Variants in SMYD3 observed in about 807,000 individuals in gnomAD.
SMYD3 encodes SET and MYND domain containing 3.
SMYD3 carries 36 observed loss-of-function variants against 57.7 expected under a neutral mutation model. That is an observed-to-expected ratio of 0.62 (90% confidence interval 0.48 to 0.82). The LOEUF (loss-of-function observed/expected upper bound fraction) is 0.82. SMYD3 is among the 40% of genes least tolerant of loss of function. The probability of loss-of-function intolerance (pLI) is 0.00; values close to 1 mark genes in which losing one functional copy is unlikely to be tolerated. For missense variants in SMYD3, 515 were observed against 538.8 expected (o/e 0.96, Z 0.44); for synonymous variants, 211 against 195.0 (o/e 1.08, Z -0.68).
intron 10 of SMYD3, among the ~76,000 whole-genome samples, chr1:245,834,393 G>A (rs756138099): frequency 6.6e-5 from 10 of 152,126 alleles, no homozygotes; most frequent in Non-Finnish European, 1.2e-4. Context: ...GTAAGCATGC[G>A]AACACTGAGT....
intron 5 of SMYD3, among the ~76,000 whole-genome samples, chr1:246,168,596 A>G (rs148473679): frequency 2.0e-5 from 3 of 152,332 alleles, no homozygotes; most frequent in African/African-American, 7.2e-5. Flanking sequence ...GAGAACGTTT[A>G]CAAGCTGCTG....
chr1:246,119,864 C>T (rs1572057971), intron 5 of SMYD3, among the ~76,000 whole-genome samples: 1 of 152,130 alleles, frequency 6.6e-6, no homozygotes, highest in East Asian at 1.9e-4. Context: ...GAAAATGTTT[C>T]TTTTCTTACC....
At chr1:246,461,213 C>G (rs929529836) in intron 1 of SMYD3, among the ~76,000 whole-genome samples, 4 of 152,062 alleles carry the variant, frequency 2.6e-5, no homozygotes, top group Admixed American at 1.3e-4. Context: ...TGTTTATTCT[C>G]TAGTTTAAAG....
chr1:246,120,058 G>A (rs1204870924), intron 5 of SMYD3, among the ~76,000 whole-genome samples: 8 of 152,208 alleles, frequency 5.3e-5, no homozygotes, highest in Non-Finnish European at 1.2e-4. Context: ...ATGGGGAAGT[G>A]TGATTGGACA....
chr1:245,977,054 AGGGAAAGCCATCGTCTCT>A (rs2058460996), intron 5 of SMYD3, among the ~76,000 whole-genome samples: 1 of 150,518 alleles, frequency 6.6e-6, no homozygotes, highest in Non-Finnish European at 1.5e-5. Flanking sequence ...TCTCCGGCCC[AGGGAAAGCCATCGTCTCT>A]AGCCTATGTT....
intron 10 of SMYD3, among the ~76,000 whole-genome samples, chr1:245,818,515 T>A (rs1572427740): frequency 6.6e-6 from 1 of 152,212 alleles, no homozygotes; most frequent in African/African-American, 2.4e-5. Flanking sequence ...GCTAACATCA[T>A]AATGACAGGA....
chr1:245,948,611 C>T (rs1453160985), intron 5 of SMYD3, among the ~76,000 whole-genome samples: 5 of 147,732 alleles, frequency 3.4e-5, no homozygotes, highest in African/African-American at 1.3e-4. Context: ...ATTTTGAGGG[C>T]CCAGCTTCCA....
chr1:246,121,480 C>T (rs1364273773), intron 5 of SMYD3, among the ~76,000 whole-genome samples: 1 of 134,294 alleles, frequency 7.4e-6, no homozygotes, highest in Non-Finnish European at 1.6e-5. Context: ...TTCATTATAA[C>T]TGTAATCTTT....
In SMYD3 at chr1:246,103,630, C is replaced by T. The variant is rs144517569; in HGVS notation, c.532-173693G>A. On this transcript the variant is annotated intron_variant, in intron 5 of 11. Coordinates refer to ENST00000490107, the MANE Select transcript of SMYD3 (RefSeq NM_001167740.2). The stretch of plus-strand genomic sequence containing the variant: ...TTGACAACCTCTTAACTAATCTCTC[C>T]CCTTCTAGTCTCTCCCTTTCATAAC... Among the ~76,000 whole-genome samples the T allele has an allele frequency of 9.3e-4, 141 of 152,218 alleles. 2 individuals carry two copies. In the South Asian group the frequency reaches 9.8e-3, roughly 11 times the overall value.
At chr1:245,794,258 A>C (rs566909189) in intron 10 of SMYD3, among the ~76,000 whole-genome samples, 34 of 152,336 alleles carry the variant, frequency 2.2e-4, no homozygotes, top group Non-Finnish European at 3.8e-4. Context: ...TGTAATACAC[A>C]TTCTTTTTAA....
intron 1 of SMYD3, among the ~76,000 whole-genome samples, chr1:246,385,713 G>A (rs1281272915): frequency 3.3e-5 from 5 of 152,140 alleles, no homozygotes; most frequent in Non-Finnish European, 7.3e-5. Context: ...TCAAAAGCGG[G>A]AACTGTGTAG....
intron 5 of SMYD3, among the ~76,000 whole-genome samples, chr1:245,988,909 T>G (rs1188358275): frequency 6.6e-6 from 1 of 152,266 alleles, no homozygotes. Flanking sequence ...GCCATTCTGC[T>G]ACCAAGAGCC....
At chr1:246,493,330 GAGT>G (rs1023440792) in intron 1 of SMYD3, among the ~76,000 whole-genome samples, 1 of 151,990 alleles carries the variant, frequency 6.6e-6, no homozygotes, top group Non-Finnish European at 1.5e-5. Flanking sequence ...AAAGAAAGAG[GAGT>G]AGGAGGAGGC....
At chr1:246,080,024 C>A (rs1291047354) in intron 5 of SMYD3, among the ~76,000 whole-genome samples, 1 of 152,000 alleles carries the variant, frequency 6.6e-6, no homozygotes, top group Non-Finnish European at 1.5e-5. Flanking sequence ...ATTTTTCAAC[C>A]CTTTGGGACA....
intron 1 of SMYD3, among the ~76,000 whole-genome samples, chr1:246,401,521 T>C (rs2066768117): frequency 6.6e-6 from 1 of 151,786 alleles, no homozygotes; most frequent in Non-Finnish European, 1.5e-5. Flanking sequence ...TTAGTAGAGA[T>C]AGGGTTTCAC....
intron 5 of SMYD3, among the ~76,000 whole-genome samples, chr1:246,222,677 AG>A (rs2063275420): frequency 6.6e-6 from 1 of 152,198 alleles, no homozygotes; most frequent in Non-Finnish European, 1.5e-5. Flanking sequence ...AAGGAGTCAA[AG>A]GTGATTTCAA....
intron 5 of SMYD3, among the ~76,000 whole-genome samples, chr1:246,032,581 T>C (rs1268231843): frequency 6.6e-6 from 1 of 152,200 alleles, no homozygotes; most frequent in Admixed American, 6.5e-5. Flanking sequence ...TAAAGCTCCA[T>C]TCCCTCGCAT....
At chr1:245,838,853 G>C (rs756282316) in intron 10 of SMYD3, among the ~76,000 whole-genome samples, 1 of 152,218 alleles carries the variant, frequency 6.6e-6, no homozygotes, top group Non-Finnish European at 1.5e-5. Flanking sequence ...AAATAAAGCT[G>C]TGCAGGAGAC....
chr1:246,405,277 T>G (rs1266513989), intron 1 of SMYD3, among the ~76,000 whole-genome samples: 1 of 152,174 alleles, frequency 6.6e-6, no homozygotes, highest in Non-Finnish European at 1.5e-5. Context: ...TTTACACGTA[T>G]ACACAATGTG....
Sources: gnomAD v4.1 joint callset for allele counts (sites outside exome capture counted in the v4.1 genomes callset) on GRCh38, gnomAD v4.1.1 for gene constraint, MANE v1.5 for transcripts, NCBI Gene and HGNC (gene_info 2026-07-23, HGNC 2026-07-21) for gene names.